The following VPS53 variants were observed in gnomAD, a reference collection of about 807,000 sequenced individuals.
VPS53 encodes VPS53 subunit of GARP complex.
VPS53 carries 70 observed loss-of-function variants against 107.0 expected under a neutral mutation model. The observed-to-expected ratio is 0.65, with a 90% CI of 0.54 to 0.80. VPS53 has a LOEUF of 0.80. Ranked by LOEUF, VPS53 falls within the 30% of genes least tolerant of loss-of-function variation. VPS53 has a pLI of 0.00. For synonymous variants in VPS53, 409 were observed against 393.3 expected (o/e 1.04, Z -0.47); for missense variants, 917 against 1,049.4 (o/e 0.87, Z 1.74).
intron 10 of VPS53, 46 bp downstream of exon 10, chr17:627,128 G>A (rs770230285): frequency 6.3e-7 from 1 of 1,583,578 alleles, no homozygotes; most frequent in Non-Finnish European, 8.6e-7. Context: ...GGAACCGATG[G>A]TGAAAATTTG....
intron 10 of VPS53, among the ~76,000 whole-genome samples, chr17:626,204 G>A (rs8068762): frequency 0.04 from 5,894 of 148,866 alleles, 164 homozygotes; most frequent in East Asian, 0.12. Flanking sequence ...GTGAGACCCC[G>A]TCTCAAAAAA....
chr17:628,676 A>G lies in VPS53; in HGVS notation c.688-445T>C, dbSNP rs534803396. On this transcript the variant is annotated intron_variant, in intron 8 of 21. Coordinates refer to ENST00000437048, the MANE Select transcript of VPS53 (RefSeq NM_001128159.3). ...CATGTGCCACTCTTCCCTGACTCCA[A>G]CCTCTGGGATTCCTGTTCTTAAAGT... Among the ~76,000 whole-genome samples the G allele has an allele frequency of 4.6e-5, 7 of 152,206 alleles. No homozygotes were observed. In the East Asian group the frequency reaches 9.6e-4, roughly 21 times the overall value.
Position 708,902 on chromosome 17 carries a change from C to A in VPS53, c.168+1631G>T, listed in dbSNP as rs144493806. Among the ~76,000 whole-genome samples, 1,227 of 152,280 alleles carry A rather than the reference C, an allele frequency of 8.1e-3. 24 individuals carry two copies. The highest frequency in any genetic ancestry group is 0.027 in the African/African-American group (1,121 of 41,562). On this transcript the variant is annotated intron_variant, in intron 2 of 21. Coordinates refer to ENST00000437048, the MANE Select transcript of VPS53 (RefSeq NM_001128159.3). Reference sequence around the variant, plus strand: ...ATAACTCTACTTATTTAACTATTTTCTTTATTATATTGGAACAGGTTGTGC... The same window carrying A: ...ATAACTCTACTTATTTAACTATTTTATTTATTATATTGGAACAGGTTGTGC...
At position 520,156 on chromosome 17, in the gene VPS53, CT is replaced by C. The variant is rs1189516007; in HGVS notation, c.2224-227del. ...GAAACGCCCCAGTGGCCCATCTCAT[CT>C]TCACATGCCACTACAGCAATGTCCT... On this transcript the variant is annotated intron_variant, in intron 20 of 21. Transcript: ENST00000437048. This position sits in a 1 kb window ranked among gnomAD's most constrained non-coding sequence, Gnocchi z 4.4. Among the ~76,000 whole-genome samples the C allele has an allele frequency of 6.6e-6, 1 of 152,206 alleles. No individual in the cohort carries two copies. Among genetic ancestry groups the C allele is most frequent in the African/African-American group, 2.4e-5 (1 of 41,452 alleles).
chr17:520,925 C>T lies in VPS53; in HGVS notation c.2223+676G>A, dbSNP rs913792269. 6.6e-6 allele frequency among the ~76,000 whole-genome samples: 1 copy of T among 152,184 alleles called. No individual in the cohort carries two copies. Among genetic ancestry groups the T allele is most frequent in the African/African-American group, 2.4e-5 (1 of 41,428 alleles). On this transcript the variant is annotated intron_variant, in intron 20 of 21. Coordinates refer to ENST00000437048, the MANE Select transcript of VPS53 (RefSeq NM_001128159.3). This position sits in a 1 kb window ranked among gnomAD's most constrained non-coding sequence, Gnocchi z 4.4. ...AGCTGCTTCATCCTCACCCACATCC[C>T]ACCGGTGTCTGAGGCCCTGCTGCCA...
At chr17:562,263 C>T (rs1015725375) in intron 14 of VPS53, among the ~76,000 whole-genome samples, 1 of 152,134 alleles carries the variant, frequency 6.6e-6, no homozygotes, top group Non-Finnish European at 1.5e-5. Flanking sequence ...GATTGGTTCT[C>T]GAGTCCACCG....
At chr17:628,010 TA>T in intron 9 of VPS53, 77 bp downstream of exon 9, 1 of 1,427,246 alleles carries the variant, frequency 7.0e-7, no homozygotes. Context: ...ATACGAGGTC[TA>T]AATTAGTAGG....
At chr17:620,523 G>A (rs1032652294) in intron 11 of VPS53, among the ~76,000 whole-genome samples, 5 of 152,268 alleles carry the variant, frequency 3.3e-5, no homozygotes, top group East Asian at 1.9e-4. Context: ...CATTAGCTCC[G>A]TGGCCTGGAG....
intron 4 of VPS53, among the ~76,000 whole-genome samples, chr17:665,784 C>A (rs182154377): frequency 2.6e-5 from 4 of 152,078 alleles, no homozygotes; most frequent in African/African-American, 9.7e-5. Context: ...GCGGGCGGAT[C>A]GCCTGAGGTC....
At chr17:624,395 A>C (rs190181737) in intron 10 of VPS53, among the ~76,000 whole-genome samples, 104 of 152,272 alleles carry the variant, frequency 6.8e-4, no homozygotes, top group African/African-American at 2.1e-3. Flanking sequence ...AGTGGCAAGC[A>C]CGCTTAGCTG....
At chr17:645,187 G>A (rs967823414) in intron 7 of VPS53, among the ~76,000 whole-genome samples, 1 of 152,170 alleles carries the variant, frequency 6.6e-6, no homozygotes, top group African/African-American at 2.4e-5. Context: ...AGAAACAAGT[G>A]GGACTACATC....
intron 9 of VPS53, 77 bp downstream of exon 9, chr17:628,011 A>C: frequency 7.0e-7 from 1 of 1,433,618 alleles, no homozygotes; most frequent in Non-Finnish European, 9.5e-7. Flanking sequence ...TACGAGGTCT[A>C]AATTAGTAGG....
At chr17:699,655 G>A (rs1421111803) in intron 2 of VPS53, among the ~76,000 whole-genome samples, 1 of 152,198 alleles carries the variant, frequency 6.6e-6, no homozygotes, top group Non-Finnish European at 1.5e-5. Flanking sequence ...AGCTAACATG[G>A]CAGGTAGGCA....
intron 4 of VPS53, among the ~76,000 whole-genome samples, chr17:679,000 G>A (rs929579908): frequency 1.1e-4 from 17 of 152,070 alleles, no homozygotes; most frequent in African/African-American, 3.6e-4. Flanking sequence ...GAGAAAAGCC[G>A]TACCTTTAAG....
chr17:707,339 T>G (rs542006892), intron 2 of VPS53, among the ~76,000 whole-genome samples: 1 of 151,874 alleles, frequency 6.6e-6, no homozygotes, highest in Non-Finnish European at 1.5e-5. Context: ...CTGGCCAACA[T>G]GGTGAAACCC....
rs190539795 is a variant in VPS53, at chr17:564,675, C to G, written c.1314-1930G>C. The stretch of plus-strand genomic sequence containing the variant: ...GAGGTTGCTGTGAGCCCAGCTCACA[C>G]CACTGCATTCCAGCCTGGGCAACAG... On this transcript the variant is annotated intron_variant, in intron 13 of 21. Transcript: ENST00000437048. 2.5e-4 allele frequency among the ~76,000 whole-genome samples: 38 copies of G among 152,212 alleles called. No individual in the cohort carries two copies. The East Asian group carries it at 4.8e-3, about 19-fold the overall frequency.
chr17:606,320 G>A (rs945509009), intron 11 of VPS53, among the ~76,000 whole-genome samples: 4 of 152,112 alleles, frequency 2.6e-5, no homozygotes, highest in Non-Finnish European at 5.9e-5. Flanking sequence ...TGACAGACCC[G>A]GGTTCGAGTC....
chr17:639,876 A>G (rs331004), intron 7 of VPS53, among the ~76,000 whole-genome samples: 58,392 of 152,100 alleles, frequency 0.38, 12,654 homozygotes, highest in South Asian at 0.5. Context: ...CAGTCTGTCC[A>G]TTCTTAGATC....
At chr17:704,937 A>G (rs548672680) in intron 2 of VPS53, among the ~76,000 whole-genome samples, 125 of 152,334 alleles carry the variant, frequency 8.2e-4, no homozygotes, top group African/African-American at 3.0e-3. Flanking sequence ...TTCCCCTTTC[A>G]TACAAAATGA....
Sources: allele counts gnomAD v4.1 joint callset (sites outside exome capture counted in the v4.1 genomes callset), GRCh38; gene constraint gnomAD v4.1.1; non-coding constraint Gnocchi (gnomAD v3.1); transcripts MANE v1.5; gene names NCBI Gene and HGNC (gene_info 2026-07-23, HGNC 2026-07-21).